The following PLK3 variants were observed in gnomAD, a reference collection of about 807,000 sequenced individuals.
PLK3 encodes the protein serine/threonine-protein kinase PLK3.
A neutral mutation model predicts 71.6 loss-of-function variants in PLK3; 41 were observed. The observed-to-expected ratio is 0.57, with a 90% CI of 0.45 to 0.74. The LOEUF is 0.74. Among genes scored for constraint, PLK3 ranks in the 30% least tolerant of loss-of-function variants. The pLI, the probability that PLK3 is intolerant of heterozygous loss-of-function variation, is 0.00. For missense variants in PLK3, 791 were observed against 875.6 expected, an observed-to-expected ratio of 0.90 and a Z score of 1.22; for synonymous variants, 366 against 355.4, an observed-to-expected ratio of 1.03 and a Z score of -0.33.
Position 44,800,806 on chromosome 1 carries a change from C to T in PLK3, c.211-34C>T, listed in dbSNP as rs1573610232. 1.3e-6 allele frequency: 2 copies of T among 1,590,294 alleles called. No homozygotes were observed. The highest frequency in any genetic ancestry group is 1.7e-6 in the Non-Finnish European group (2 of 1,169,128). Reference sequence around the variant, plus strand: ...CGCCCGCGGGCCAGACTCGGCCCCCCTGGAACAACCAGCCTGATGCCCCCT... The same window carrying T: ...CGCCCGCGGGCCAGACTCGGCCCCCTTGGAACAACCAGCCTGATGCCCCCT... On this transcript the variant is annotated intron_variant, in intron 1 of 14. Transcript: ENST00000372201. This position sits in a 1 kb window ranked among gnomAD's most constrained non-coding sequence, Gnocchi z 6.5.
chr1:44,801,061 G>T lies in PLK3; in HGVS notation c.344G>T (p.Arg115Leu). The T allele has an allele frequency of 6.2e-7, 1 of 1,613,646 alleles. No individual in the cohort carries two copies. The highest frequency in any genetic ancestry group is 8.5e-7 in the Non-Finnish European group (1 of 1,179,754). The change falls in exon 3 of 15, where the codon CGA (arginine) becomes CTA (leucine). Residue 115 changes from arginine (R) to leucine (L), a missense_variant. Arg to Leu is a moderately radical substitution (Grantham distance 102, BLOSUM62 -2). Transcript: ENST00000372201. ...EKILNEIELH[R>L]DLQHRHIVRF... ...ATCCTAAATGAGATTGAGCTGCACCGAGACCTGCAGCACCGCCACATCGTG... is the reference window on the plus strand; with the variant it reads ...ATCCTAAATGAGATTGAGCTGCACCTAGACCTGCAGCACCGCCACATCGTG...
chr1:44,802,360 A>T (rs17883304), intron 5 of PLK3, among the ~76,000 whole-genome samples: 1 of 152,060 alleles, frequency 6.6e-6, no homozygotes, highest in African/African-American at 2.4e-5. Context: ...TGACACAGAT[A>T]GCGTATGTGG....
intron 5 of PLK3, 117 bp downstream of exon 5, chr1:44,802,049 G>A (rs550873249): frequency 1.3e-6 from 1 of 786,226 alleles, no homozygotes; most frequent in South Asian, 1.7e-5. Flanking sequence ...AAATGGGAAG[G>A]GATGATGGGC....
In PLK3 at chr1:44,803,749, G is replaced by A; in HGVS notation, c.1164+58G>A. The A allele has an allele frequency of 3.7e-6, 5 of 1,360,750 alleles. No individual in the cohort carries two copies. Among genetic ancestry groups the A allele is most frequent in the Non-Finnish European group, 5.2e-6 (5 of 966,038 alleles). The allele number at this position is 1,360,750 out of a possible 1,614,324, so 84.3% of individuals were successfully genotyped here. ...CTCACCCCCACCCTAGCAGCTGAGG[G>A]AAGCCGGGGATAAAAGAGGCTGCTG... On this transcript the variant is annotated intron_variant, in intron 9 of 14. Transcript: ENST00000372201. The surrounding 1 kb of genome is among the most constrained non-coding windows in gnomAD (Gnocchi z 4.3).
Position 44,805,487 on chromosome 1 carries a change from G to C in PLK3, c.1750G>C (p.Val584Leu). 6.2e-7 allele frequency: 1 copy of C among 1,614,142 alleles called. No individual in the cohort carries two copies. Among genetic ancestry groups the C allele is most frequent in the Non-Finnish European group, 8.5e-7 (1 of 1,179,976 alleles). The change falls in exon 15 of 15, where the codon GTG becomes CTG. Residue 584 changes from valine to leucine, a missense_variant and splice_region_variant. Coordinates refer to ENST00000372201, the MANE Select transcript of PLK3 (RefSeq NM_004073.4). ...LMLFSDGTVQ[V>L]NFYGDHTKLI... is the part of the protein sequence containing the mutation. ...GACCACTGTCATGCTCTGTGTGCAGGTGAACTTCTACGGGGACCACACCAA... is the reference window on the plus strand; with the variant it reads ...GACCACTGTCATGCTCTGTGTGCAGCTGAACTTCTACGGGGACCACACCAA...
chr1:44,801,992 C>T (rs997738705), intron 5 of PLK3, 60 bp downstream of exon 5: 30 of 1,292,544 alleles, frequency 2.3e-5, no homozygotes, highest in Non-Finnish European at 3.1e-5. Context: ...ATAGACAGTG[C>T]ATATGTATGT....
Position 44,803,675 on chromosome 1 carries a change from AG to A in PLK3, c.1150del (p.Asp384MetfsTer18). The A allele has an allele frequency of 6.2e-7, 1 of 1,612,630 alleles. No homozygotes were observed. Among genetic ancestry groups the A allele is most frequent in the Non-Finnish European group, 8.5e-7 (1 of 1,179,092 alleles). On this transcript the variant is annotated frameshift_variant, in exon 9 of 15. Transcript: ENST00000372201. LOFTEE classifies it high-confidence loss of function. This position sits in a 1 kb window ranked among gnomAD's most constrained non-coding sequence, Gnocchi z 4.3. ...CTCATGCGCACATCCGTTGGCCATCAGGATGCCAGGCCAGAGGTGAGGCGCT... is the reference window on the plus strand; with the variant it reads ...CTCATGCGCACATCCGTTGGCCATCAGATGCCAGGCCAGAGGTGAGGCGCT... Reference protein sequence around the residue: ...SGLMRTSVGHQDARPEAPAAS... With the variant: ...SGLMRTSVGHXDARPEAPAAS...
intron 14 of PLK3, 24 bp downstream of exon 14, chr1:44,805,403 G>T: frequency 6.2e-7 from 1 of 1,607,596 alleles, no homozygotes; most frequent in Non-Finnish European, 8.5e-7. Context: ...CAGGAGTTGC[G>T]GGAAGGTCTG....
rs1410321703 is a variant in PLK3 at position 44,803,429 on chromosome 1, A to T, written c.1072+38A>T. ...TGTCAGTGGGTTGAGGGGGCAGAGCAGTAGAGCGGCTTGTCACATTTGTCT... is the reference window on the plus strand; with the variant it reads ...TGTCAGTGGGTTGAGGGGGCAGAGCTGTAGAGCGGCTTGTCACATTTGTCT... On this transcript the variant is annotated intron_variant, in intron 8 of 14. Transcript: ENST00000372201. The surrounding 1 kb of genome is among the most constrained non-coding windows in gnomAD (Gnocchi z 4.3). The T allele has an allele frequency of 1.2e-6, 2 of 1,612,576 alleles. No homozygotes were observed. The highest frequency in any genetic ancestry group is 1.7e-6 in the Non-Finnish European group (2 of 1,179,148).
Position 44,804,489 on chromosome 1 carries a change from C to T in PLK3, c.1493C>T (p.Ser498Leu), listed in dbSNP as rs17880829. 13 of 1,614,086 alleles carry T rather than the reference C, an allele frequency of 8.1e-6. No homozygotes were observed. In the Admixed American group the frequency reaches 1.0e-4, roughly 12 times the overall value. Reference protein sequence around the residue: ...LFNDGTHMALSANRKTVHYNP... With the variant: ...LFNDGTHMALLANRKTVHYNP... ...AACGATGGCACACATATGGCCCTGT[C>T]GGCCAACAGAAAGTAAGTGCTGTTA... The change falls in exon 12 of 15, where the codon TCG becomes TTG. Residue 498 changes from serine to leucine, a missense_variant. Coordinates refer to ENST00000372201, the MANE Select transcript of PLK3 (RefSeq NM_004073.4).
Position 44,803,822 on chromosome 1 carries a change from G to C in PLK3, c.1165-109G>C. The C allele has an allele frequency of 8.9e-7, 1 of 1,127,506 alleles. No individual in the cohort carries two copies. The highest frequency in any genetic ancestry group is 1.3e-6 in the Non-Finnish European group (1 of 765,762). 69.8% of individuals were successfully genotyped at this position (1,127,506 alleles called of 1,614,324 possible). ...CTAATTGGCTGTGTGTCACCAGCCT[G>C]GCGGGGCTGACCTGGGGTGCCCTGG... is the stretch of plus-strand genomic sequence containing the variant. On this transcript the variant is annotated intron_variant, in intron 9 of 14. Coordinates refer to ENST00000372201, the MANE Select transcript of PLK3 (RefSeq NM_004073.4). This position sits in a 1 kb window ranked among gnomAD's most constrained non-coding sequence, Gnocchi z 4.3.
chr1:44,805,419 C>CCCAG, intron 14 of PLK3, 40 bp downstream of exon 14: 1 of 1,606,432 alleles, frequency 6.2e-7, no homozygotes, highest in African/African-American at 1.3e-5. Flanking sequence ...GTCTGGGAGG[C>CCCAG]CCAGGGTGCT....
rs770104520 is a variant in PLK3 at position 44,800,597 on chromosome 1, C to T, written c.134C>T (p.Pro45Leu). The part of the protein sequence containing the change: ...GPELEMLAGL[P>L]TSDPGRLITD... ...GAGCTGGAGATGCTGGCCGGGCTAC[C>T]GACGTCAGACCCCGGGCGCCTCATC... Residue 45 changes from proline (P) to leucine (L), a missense_variant, in exon 1 of 15, where the codon CCG becomes CTG. Transcript: ENST00000372201. This position sits in a 1 kb window ranked among gnomAD's most constrained non-coding sequence, Gnocchi z 6.5. 5.9e-5 allele frequency: 90 copies of T among 1,538,440 alleles called. No individual in the cohort carries two copies. The Admixed American group carries it at 1.7e-3, about 30-fold the overall frequency.
chr1:44,805,471 C>T lies in PLK3; in HGVS notation c.1750-16C>T. 1 of 1,613,702 alleles carries T rather than the reference C, an allele frequency of 6.2e-7. No homozygotes were observed. Among genetic ancestry groups the T allele is most frequent in the Non-Finnish European group, 8.5e-7 (1 of 1,179,588 alleles). ...CCGGAGCCTAGGTCCTGACCACTGT[C>T]ATGCTCTGTGTGCAGGTGAACTTCT... is the stretch of plus-strand genomic sequence containing the variant. On this transcript the variant is annotated splice_polypyrimidine_tract_variant and intron_variant, in intron 14 of 14. Coordinates refer to ENST00000372201, the MANE Select transcript of PLK3 (RefSeq NM_004073.4).
In PLK3 at chr1:44,801,083, C is replaced by A. The variant is rs1420035658; in HGVS notation, c.366C>A (p.Ile122=). Residue 122 remains isoleucine, a synonymous_variant, in exon 3 of 15, where the codon ATC becomes ATA. Coordinates refer to ENST00000372201, the MANE Select transcript of PLK3 (RefSeq NM_004073.4). ...ACCGAGACCTGCAGCACCGCCACAT[C>A]GTGCGTTTTTCGCACCACTTTGAGG... ...ELHRDLQHRH[I]VRFSHHFEDA... 6 of 1,613,740 alleles carry A rather than the reference C, an allele frequency of 3.7e-6. No individual in the cohort carries two copies. The highest frequency in any genetic ancestry group is 5.1e-6 in the Non-Finnish European group (6 of 1,179,934).
chr1:44,801,066 C>A lies in PLK3; in HGVS notation c.349C>A (p.Leu117Met), dbSNP rs544298638. The A allele has an allele frequency of 1.9e-6, 3 of 1,613,760 alleles. No homozygotes were observed. In the South Asian group the frequency reaches 3.3e-5, roughly 18 times the overall value. The change falls in exon 3 of 15, where the codon CTG becomes ATG. Residue 117 changes from leucine to methionine, a missense_variant. Coordinates refer to ENST00000372201, the MANE Select transcript of PLK3 (RefSeq NM_004073.4). ...ILNEIELHRDLQHRHIVRFSH... is the reference protein window; with the variant it reads ...ILNEIELHRDMQHRHIVRFSH... ...AAATGAGATTGAGCTGCACCGAGAC[C>A]TGCAGCACCGCCACATCGTGCGTTT... is the stretch of plus-strand genomic sequence containing the variant.
rs1380298598 is a variant in PLK3 at position 44,803,624 on chromosome 1, A to G, written c.1097A>G (p.Asp366Gly). The G allele has an allele frequency of 6.2e-7, 1 of 1,613,912 alleles. No homozygotes were observed. Among genetic ancestry groups the G allele is most frequent in the Non-Finnish European group, 8.5e-7 (1 of 1,179,886 alleles). The change falls in exon 9 of 15, where the codon GAT becomes GGT. Residue 366 changes from aspartate (D) to glycine (G), a missense_variant. Coordinates refer to ENST00000372201, the MANE Select transcript of PLK3 (RefSeq NM_004073.4). The surrounding 1 kb of genome is among the most constrained non-coding windows in gnomAD (Gnocchi z 4.3). ...KKSKNHAQERDEVSGLVSGLM... is the reference protein window; with the variant it reads ...KKSKNHAQERGEVSGLVSGLM... ...GGTAAGAATCATGCCCAGGAGAGGGATGAGGTCTCCGGTTTGGTGAGCGGC... is the reference window on the plus strand; with the variant it reads ...GGTAAGAATCATGCCCAGGAGAGGGGTGAGGTCTCCGGTTTGGTGAGCGGC...
chr1:44,805,813 G>C lies in PLK3; in HGVS notation c.*135G>C, dbSNP rs918346084. 5 of 1,301,630 alleles carry C rather than the reference G, an allele frequency of 3.8e-6. No homozygotes were observed. Among genetic ancestry groups the C allele is most frequent in the Non-Finnish European group, 5.2e-6 (5 of 966,178 alleles). The allele number at this position is 1,301,630 out of a possible 1,614,324, so 80.6% of individuals were successfully genotyped here. ...AGGGAATCAGGGACCAGCTTTACTG[G>C]AGTTGGGGGCGGCTTGTCTTCGCTG... is the stretch of plus-strand genomic sequence containing the variant. On this transcript the variant is annotated 3_prime_UTR_variant, in exon 15 of 15. Coordinates refer to ENST00000372201, the MANE Select transcript of PLK3 (RefSeq NM_004073.4).
chr1:44,804,046 G>T, intron 10 of PLK3, 22 bp downstream of exon 10: 1 of 1,539,466 alleles, frequency 6.5e-7, no homozygotes, highest in South Asian at 1.2e-5. Context: ...GGGAGGATGA[G>T]AGGTGATAGA....
Sources: allele counts gnomAD v4.1 joint callset (sites outside exome capture counted in the v4.1 genomes callset), GRCh38; gene constraint gnomAD v4.1.1; non-coding constraint Gnocchi (gnomAD v3.1); transcripts MANE v1.5; gene names NCBI Gene and HGNC (gene_info 2026-07-23, HGNC 2026-07-21).